GRM7: variants seen among roughly 807,000 people sequenced by gnomAD.
The protein encoded by GRM7 is metabotropic glutamate receptor 7.
Under a neutral mutation model 84.5 loss-of-function variants are expected in GRM7, and 35 were observed. The ratio of observed to expected loss-of-function variants is 0.41; its 90% CI spans 0.32 to 0.55. The LOEUF (loss-of-function observed/expected upper bound fraction) is 0.55. Among genes scored for constraint, GRM7 ranks in the 20% least tolerant of loss-of-function variants. The pLI, the probability that GRM7 is intolerant of heterozygous loss-of-function variation, is 0.19. For synonymous variants in GRM7, 487 were observed against 455.1 expected, an observed-to-expected ratio of 1.07 and a Z score of -0.89; for missense variants, 1,003 against 1,194.6, an observed-to-expected ratio of 0.84 and a Z score of 2.36.
At chr3:7,021,884 T>G (rs1400044151) in intron 1 of GRM7, among the ~76,000 whole-genome samples, 1 of 152,204 alleles carries the variant, frequency 6.6e-6, no homozygotes, top group Non-Finnish European at 1.5e-5. Context: ...CAGTAGCACA[T>G]AGCACTGCTT....
intron 1 of GRM7, among the ~76,000 whole-genome samples, chr3:6,864,524 G>C (rs1395714321): frequency 6.6e-6 from 1 of 152,176 alleles, no homozygotes; most frequent in Admixed American, 6.5e-5. Flanking sequence ...AGTGAATCTT[G>C]TCGGGGATTT....
rs1485174 is a variant in GRM7, at chr3:7,579,141, G to A, written c.2235G>A (p.Gly745=). The part of the protein sequence containing the change: ...HKTMNPEQAR[G]VLKCDITDLQ... ...CAATGAACCCTGAGCAAGCCAGAGG[G>A]GTTCTCAAGTGTGACATTACAGATC... is the stretch of plus-strand genomic sequence containing the variant. The change falls in exon 8 of 10, where the codon GGG becomes GGA. Residue 745 remains glycine (G), a synonymous_variant. Transcript: ENST00000357716. The A allele has an allele frequency of 0.26, 426,769 of 1,612,422 alleles. 60,565 individuals are homozygous for A. Among genetic ancestry groups the A allele is most frequent in the Non-Finnish European group, 0.28 (330,400 of 1,178,636 alleles).
At chr3:7,714,154 G>A (rs902888364) in intron 9 of GRM7, among the ~76,000 whole-genome samples, 7 of 152,154 alleles carry the variant, frequency 4.6e-5, no homozygotes, top group African/African-American at 1.7e-4. Context: ...ACAGAGCTGT[G>A]CCATCCAGAA....
intron 7 of GRM7, among the ~76,000 whole-genome samples, chr3:7,480,113 A>G (rs933110907): frequency 2.2e-5 from 3 of 135,612 alleles, no homozygotes; most frequent in Non-Finnish European, 4.4e-5. Flanking sequence ...AGAGACACAG[A>G]AGAAGTGGGG....
chr3:7,171,678 G>A (rs543716527), intron 2 of GRM7, among the ~76,000 whole-genome samples: 1 of 152,226 alleles, frequency 6.6e-6, no homozygotes, highest in African/African-American at 2.4e-5. Context: ...CAAACAAAAG[G>A]TAAACCGTCC....
chr3:6,958,998 C>A (rs75563623), intron 1 of GRM7, among the ~76,000 whole-genome samples: 8,338 of 152,186 alleles, frequency 0.055, 300 homozygotes, highest in African/African-American at 0.085. Context: ...CCATGATGTC[C>A]AGGGGCATAT....
chr3:7,715,724 C>G (rs555341893), intron 9 of GRM7, among the ~76,000 whole-genome samples: 1 of 152,270 alleles, frequency 6.6e-6, no homozygotes, highest in African/African-American at 2.4e-5. Flanking sequence ...ATTCAGACCC[C>G]GCACACTTGG....
intron 5 of GRM7, among the ~76,000 whole-genome samples, chr3:7,425,856 C>G (rs936667409): frequency 5.3e-5 from 8 of 152,146 alleles, no homozygotes; most frequent in African/African-American, 1.9e-4. Flanking sequence ...ACAGAAATCA[C>G]TATGACAAGT....
intron 2 of GRM7, among the ~76,000 whole-genome samples, chr3:7,187,086 A>G (rs1482488141): frequency 6.6e-6 from 1 of 152,092 alleles, no homozygotes; most frequent in Non-Finnish European, 1.5e-5. Flanking sequence ...AGTCTGGGCA[A>G]CATAGTGAGA....
chr3:6,866,703 T>C (rs540976153), intron 1 of GRM7, among the ~76,000 whole-genome samples: 1 of 152,296 alleles, frequency 6.6e-6, no homozygotes, highest in Admixed American at 6.5e-5. Context: ...CGTATCTCCA[T>C]GTAGTATTCC....
chr3:6,863,681 A>G lies in GRM7; in HGVS notation c.519+1774A>G, dbSNP rs963190193. On this transcript the variant is annotated intron_variant, in intron 1 of 9. Transcript: ENST00000357716. The surrounding 1 kb of genome is among the most constrained non-coding windows in gnomAD (Gnocchi z 4.8). ...AGCTTAAAGCTAGACAAGTTGAGGTAGCAGTGCAGCGGGAGAGGATGAGGT... is the reference window on the plus strand; with the variant it reads ...AGCTTAAAGCTAGACAAGTTGAGGTGGCAGTGCAGCGGGAGAGGATGAGGT... Among the ~76,000 whole-genome samples the G allele has an allele frequency of 1.3e-5, 2 of 152,188 alleles. No individual in the cohort carries two copies. The highest frequency in any genetic ancestry group is 1.5e-5 in the Non-Finnish European group (1 of 68,026).
chr3:7,303,973 T>A (rs1412484381), intron 3 of GRM7, among the ~76,000 whole-genome samples: 2 of 151,870 alleles, frequency 1.3e-5, no homozygotes, highest in African/African-American at 4.8e-5. Flanking sequence ...AACTTTTTCA[T>A]GTGTTTTACA....
chr3:7,171,225 T>C (rs1694972275), intron 2 of GRM7, among the ~76,000 whole-genome samples: 1 of 152,150 alleles, frequency 6.6e-6, no homozygotes, highest in African/African-American at 2.4e-5. Context: ...AGCTTGTAGA[T>C]GGACTTCTTC....
chr3:7,041,149 C>T (rs1696596216), intron 1 of GRM7, among the ~76,000 whole-genome samples: 1 of 151,404 alleles, frequency 6.6e-6, no homozygotes, highest in Non-Finnish European at 1.5e-5. Flanking sequence ...TTATCAAGTC[C>T]ACATAAAATT....
intron 8 of GRM7, among the ~76,000 whole-genome samples, chr3:7,650,270 A>C (rs745652962): frequency 1.7e-4 from 26 of 152,300 alleles, no homozygotes; most frequent in Non-Finnish European, 2.8e-4. Context: ...GCCCCTTCCC[A>C]GCTTTATAGC....
At chr3:7,631,864 GTGTC>G (rs911951578) in intron 8 of GRM7, among the ~76,000 whole-genome samples, 5 of 152,292 alleles carry the variant, frequency 3.3e-5, no homozygotes, top group Non-Finnish European at 7.3e-5. Flanking sequence ...CAGAATGTGT[GTGTC>G]TGTGTGTGTA....
intron 8 of GRM7, among the ~76,000 whole-genome samples, chr3:7,642,066 A>G (rs1470550977): frequency 6.6e-6 from 1 of 152,172 alleles, no homozygotes; most frequent in Non-Finnish European, 1.5e-5. Context: ...AAGGCTATAT[A>G]CCAAAACAAC....
chr3:7,229,720 CACACACATATATATAT>C (rs1171602971), intron 2 of GRM7, among the ~76,000 whole-genome samples: 6 of 14,250 alleles, frequency 4.2e-4, no homozygotes, highest in African/African-American at 1.2e-3. Flanking sequence ...TCTCCATAGA[CACACACATATATATAT>C]ATATATATAT....
intron 2 of GRM7, among the ~76,000 whole-genome samples, chr3:7,238,997 C>CTT (rs1559520012): frequency 1.5e-5 from 2 of 137,616 alleles, no homozygotes; most frequent in Non-Finnish European, 3.1e-5. Flanking sequence ...TTCTTTTTTC[C>CTT]TTTTTCTTTT....
Sources: gnomAD v4.1 joint callset for allele counts (sites outside exome capture counted in the v4.1 genomes callset) on GRCh38, gnomAD v4.1.1 for gene constraint, Gnocchi (gnomAD v3.1) non-coding constraint, MANE v1.5 for transcripts, NCBI Gene and HGNC (gene_info 2026-07-23, HGNC 2026-07-21) for gene names.